PIGN: variants seen among roughly 807,000 people sequenced by gnomAD.
The protein encoded by PIGN is GPI ethanolamine phosphate transferase 1.
A neutral mutation model predicts 125.4 loss-of-function variants in PIGN; 117 were observed. That is an observed-to-expected ratio of 0.93 (90% confidence interval 0.80 to 1.09). The LOEUF is 1.09. Ranked by LOEUF, PIGN falls within the 50% of genes least tolerant of loss-of-function variation. PIGN has a pLI of 0.00. For synonymous variants in PIGN, 392 were observed against 377.8 expected (o/e 1.04, Z -0.44); for missense variants, 1,075 against 1,094.9 (o/e 0.98, Z 0.26).
chr18:62,133,077 T>C (rs962509874), intron 14 of PIGN, among the ~76,000 whole-genome samples: 3 of 152,216 alleles, frequency 2.0e-5, no homozygotes, highest in Admixed American at 2.0e-4. Flanking sequence ...CAGTATTCAA[T>C]AAATTACATG....
chr18:62,088,602 A>C (rs1245599011), intron 25 of PIGN, 154 bp downstream of exon 25: 1 of 542,958 alleles, frequency 1.8e-6, no homozygotes, highest in African/African-American at 2.0e-5. Context: ...GTTCAAAAAA[A>C]TTTTTAATGT....
intron 30 of PIGN, among the ~76,000 whole-genome samples, chr18:62,054,698 C>T (rs1461913491): frequency 6.6e-6 from 1 of 151,860 alleles, no homozygotes; most frequent in Non-Finnish European, 1.5e-5. Context: ...TGCCATGTTA[C>T]CCAGGCTGGT....
At chr18:62,127,275 C>G (rs1160415325) in intron 14 of PIGN, among the ~76,000 whole-genome samples, 1 of 152,178 alleles carries the variant, frequency 6.6e-6, no homozygotes, top group African/African-American at 2.4e-5. Context: ...AACCAAACAT[C>G]ATAGCTTAAC....
chr18:62,137,027 C>T (rs1415972952), intron 14 of PIGN: 3 of 398,376 alleles, frequency 7.5e-6, no homozygotes, highest in African/African-American at 6.2e-5. Context: ...GACATTGTTG[C>T]CAAAGGAGAT....
intron 30 of PIGN, among the ~76,000 whole-genome samples, chr18:62,057,839 C>T (rs1392916603): frequency 1.3e-5 from 2 of 152,210 alleles, no homozygotes; most frequent in Non-Finnish European, 2.9e-5. Flanking sequence ...GAAAAAGACT[C>T]CATCTTACAT....
At chr18:62,079,868 A>G (rs923132947) in intron 28 of PIGN, among the ~76,000 whole-genome samples, 13 of 152,108 alleles carry the variant, frequency 8.5e-5, no homozygotes, top group African/African-American at 3.1e-4. Flanking sequence ...TCTACTTCAT[A>G]TAAAATTAAT....
rs144993525 is a variant in PIGN, at chr18:62,155,364, C to T, written c.443-713G>A. 4.6e-3 allele frequency among the ~76,000 whole-genome samples: 698 copies of T among 152,036 alleles called. 8 individuals carry two copies. Among genetic ancestry groups the T allele is most frequent in the African/African-American group, 0.016 (667 of 41,458 alleles). On this transcript the variant is annotated intron_variant, in intron 6 of 30. Transcript: ENST00000640252. ...GGTGGATCACCGGAGGTCGGGAGAT[C>T]GAGACCCCCCTGGCCAACATGATGA...
At chr18:62,169,623 C>CT (rs930634853) in intron 1 of PIGN, among the ~76,000 whole-genome samples, 3 of 149,130 alleles carry the variant, frequency 2.0e-5, no homozygotes, top group Non-Finnish European at 3.0e-5. Flanking sequence ...ATATGTTTAA[C>CT]TTTTTTTTTT....
In PIGN at chr18:62,171,157, T is replaced by C. The variant is rs544345352; in HGVS notation, c.-235-7501A>G. ...GTATAACTCTCCATTTATTTAGGTC[T>C]TCTTTAATTTCCCTCAGCAATGTTC... On this transcript the variant is annotated intron_variant, in intron 1 of 30. Transcript: ENST00000640252. 2.2e-4 allele frequency among the ~76,000 whole-genome samples: 33 copies of C among 152,364 alleles called. 3 individuals are homozygous for C. The South Asian group carries it at 6.8e-3, about 32-fold the overall frequency.
chr18:62,157,285 A>G (rs536741774), intron 5 of PIGN, 58 bp from the exon 6 acceptor site: 32 of 827,296 alleles, frequency 3.9e-5, no homozygotes, highest in East Asian at 3.1e-4. Flanking sequence ...AAGCCCCTAA[A>G]GAACTATTCT....
At chr18:62,074,998 G>C in intron 28 of PIGN, 177 bp from the exon 29 acceptor site, 1 of 490,636 alleles carries the variant, frequency 2.0e-6, no homozygotes, top group East Asian at 3.3e-5. Context: ...ATAGAGATGA[G>C]CTGGACTGTA....
rs1465504599 is a variant in PIGN, at chr18:62,095,935, A to C, written c.2093T>G (p.Val698Gly). The C allele has an allele frequency of 1.2e-6, 2 of 1,609,914 alleles. No homozygotes were observed. Among genetic ancestry groups the C allele is most frequent in the Admixed American group, 3.3e-5 (2 of 59,926 alleles). Residue 698 changes from valine to glycine, a missense_variant, in exon 23 of 31, where the codon GTG (valine) becomes GGG (glycine). Around this residue, in one of 3 missense-constraint regions of PIGN, gnomAD observed 915 missense variants for 908.7 expected, o/e 1.01. Coordinates refer to ENST00000640252, the MANE Select transcript of PIGN (RefSeq NM_176787.5). ...GAGAACTGGAGAACTCAGTAGTGGC[A>C]CAACCAAGGAAGAGGCTGCAATGAA... The part of the protein sequence containing the change: ...SWATLASSLV[V>G]PLLSSPVLFQ...
At chr18:62,065,099 G>A (rs907502312) in intron 30 of PIGN, among the ~76,000 whole-genome samples, 25 of 152,094 alleles carry the variant, frequency 1.6e-4, no homozygotes, top group Non-Finnish European at 3.2e-4. Context: ...GCTAAAAGGC[G>A]TTTTCTTTTT....
chr18:62,065,732 T>C (rs904129252), intron 30 of PIGN, among the ~76,000 whole-genome samples: 2 of 151,250 alleles, frequency 1.3e-5, no homozygotes, highest in African/African-American at 4.9e-5. Flanking sequence ...CGAGACTCCG[T>C]CTCCAAAAAA....
intron 11 of PIGN, among the ~76,000 whole-genome samples, chr18:62,141,698 C>G (rs1320631114): frequency 2.0e-5 from 3 of 152,202 alleles, no homozygotes; most frequent in Non-Finnish European, 1.5e-5. Flanking sequence ...GGTATTCTTT[C>G]ACACACAAAA....
chr18:62,092,002 AAG>A (rs1448888741), intron 23 of PIGN, among the ~76,000 whole-genome samples: 1 of 152,176 alleles, frequency 6.6e-6, no homozygotes, highest in African/African-American at 2.4e-5. Flanking sequence ...CTATTTCCTA[AAG>A]ATAAGAAAGC....
chr18:62,050,170 C>A (rs1399421491), intron 30 of PIGN, among the ~76,000 whole-genome samples: 1 of 152,154 alleles, frequency 6.6e-6, no homozygotes. Flanking sequence ...TTAGGATTGA[C>A]TTGGCGATGC....
chr18:62,096,005 T>C, intron 22 of PIGN, 55 bp from the exon 23 acceptor site: 1 of 1,179,928 alleles, frequency 8.5e-7, no homozygotes, highest in African/African-American at 1.5e-5. Context: ...AAAAAAATGT[T>C]AGCGTAGGGC....
At chr18:62,069,724 CAG>C (rs1290925153) in intron 30 of PIGN, 5 of 152,142 alleles carry the variant, frequency 3.3e-5, no homozygotes, top group African/African-American at 1.2e-4. Flanking sequence ...TTAATGCATT[CAG>C]AGTTTGTTTC....
Sources: gnomAD v4.1 joint callset for allele counts (sites outside exome capture counted in the v4.1 genomes callset) on GRCh38, gnomAD v4.1.1 for gene constraint, gnomAD v4.1.1 regional missense constraint, MANE v1.5 for transcripts, NCBI Gene and HGNC (gene_info 2026-07-23, HGNC 2026-07-21) for gene names.